KANK1: variants seen among roughly 807,000 people sequenced by gnomAD.
The protein encoded by KANK1 is KN motif and ankyrin repeat domains 1.
In KANK1, 109 loss-of-function variants were observed where a neutral mutation model predicts 106.2. The ratio of observed to expected loss-of-function variants is 1.03; its 90% CI spans 0.88 to 1.20. The LOEUF (loss-of-function observed/expected upper bound fraction) is 1.20. KANK1 is among the 50% of genes most tolerant of loss of function. The pLI is 0.00. For missense variants in KANK1, 2,399 were observed against 1,710.7 expected, an observed-to-expected ratio of 1.40 and a Z score of -7.10; for synonymous variants, 873 against 652.2, an observed-to-expected ratio of 1.34 and a Z score of -5.16.
In KANK1 at chr9:711,019, A is replaced by G. The variant is rs901740191; in HGVS notation, c.253A>G (p.Ile85Val). The G allele has an allele frequency of 5.6e-6, 9 of 1,614,100 alleles. No homozygotes were observed. The highest frequency in any genetic ancestry group is 4.0e-5 in the African/African-American group (3 of 74,930). ...CAGGACCACATCTGGTCAGCAAGGT[A>G]TATGGACTTCCACTGAATCCCTCTC... is the stretch of plus-strand genomic sequence containing the variant. ...EPRTTSGQQG[I>V]WTSTESLSSS... Residue 85 changes from isoleucine to valine, a missense_variant, in exon 3 of 12, where the codon ATA (isoleucine) becomes GTA (valine). By Grantham distance (29) the Ile-to-Val change is conservative. Coordinates refer to ENST00000382297, the MANE Select transcript of KANK1 (RefSeq NM_015158.5).
At chr9:516,735 C>G (rs2059294043) in intron 1 of KANK1, among the ~76,000 whole-genome samples, 1 of 151,550 alleles carries the variant, frequency 6.6e-6, no homozygotes, top group Non-Finnish European at 1.5e-5. Context: ...TTCAAAAATA[C>G]TTGTTGAATG....
At chr9:646,431 T>G (rs1349348672) in intron 1 of KANK1, among the ~76,000 whole-genome samples, 1 of 151,154 alleles carries the variant, frequency 6.6e-6, no homozygotes, top group East Asian at 1.9e-4. Context: ...TCTGAAAAGC[T>G]AAGCTTTCCC....
rs144003040 is a variant in KANK1 at position 732,626 on chromosome 9, C to T, written c.3245+9C>T. 203 of 1,610,646 alleles carry T rather than the reference C, an allele frequency of 1.3e-4. No individual in the cohort carries two copies. The African/African-American group carries it at 1.8e-3, about 14-fold the overall frequency. On this transcript the variant is annotated intron_variant, in intron 6 of 11. Coordinates refer to ENST00000382297, the MANE Select transcript of KANK1 (RefSeq NM_015158.5). ...GTGGAAATCAGAGAGAGGTGTGGTA[C>T]ATTCCCCTTCCCTCCCTTGCCCCTC...
At chr9:586,016 TG>T (rs1240281574) in intron 1 of KANK1, among the ~76,000 whole-genome samples, 1 of 152,180 alleles carries the variant, frequency 6.6e-6, no homozygotes, top group Non-Finnish European at 1.5e-5. Flanking sequence ...TCAAAGTTTG[TG>T]GGATTCTGTA....
chr9:516,388 C>T (rs1164727446), intron 1 of KANK1, among the ~76,000 whole-genome samples: 1 of 151,740 alleles, frequency 6.6e-6, no homozygotes, highest in Non-Finnish European at 1.5e-5. Flanking sequence ...TTTCTCAGCT[C>T]TGGCATGAAA....
intron 1 of KANK1, among the ~76,000 whole-genome samples, chr9:582,631 A>G (rs1822460070): frequency 1.3e-5 from 2 of 152,170 alleles, no homozygotes; most frequent in African/African-American, 2.4e-5. Context: ...AAAAATAAAA[A>G]CATTTGGGGT....
intron 1 of KANK1, among the ~76,000 whole-genome samples, chr9:609,909 GTTTTTATCT>G (rs1266664521): frequency 6.6e-6 from 1 of 151,942 alleles, no homozygotes; most frequent in Admixed American, 6.6e-5. Context: ...ACATAGAAAT[GTTTTTATCT>G]TTCTTATACA....
intron 1 of KANK1, among the ~76,000 whole-genome samples, chr9:649,144 A>G (rs925083845): frequency 6.6e-6 from 1 of 152,184 alleles, no homozygotes; most frequent in African/African-American, 2.4e-5. Context: ...GATATATGTA[A>G]GATACGTGTT....
intron 1 of KANK1, among the ~76,000 whole-genome samples, chr9:593,441 C>A (rs1170648933): frequency 7.9e-6 from 1 of 126,930 alleles, no homozygotes; most frequent in East Asian, 2.1e-4. Flanking sequence ...TATATTAGAT[C>A]TTTATACATT....
chr9:590,255 A>G (rs543616251), intron 1 of KANK1, among the ~76,000 whole-genome samples: 204 of 152,228 alleles, frequency 1.3e-3, no homozygotes, highest in African/African-American at 4.7e-3. Context: ...TTTGTGTTCT[A>G]ATAGCCTTTG....
intron 1 of KANK1, among the ~76,000 whole-genome samples, chr9:617,370 G>T (rs552876428): frequency 1.1e-4 from 17 of 152,290 alleles, no homozygotes; most frequent in Middle Eastern, 3.4e-3. Context: ...GAGGAGGGGG[G>T]TTGTGGCAAA....
chr9:744,006 G>C (rs1445373146), intron 10 of KANK1, among the ~76,000 whole-genome samples: 3 of 152,188 alleles, frequency 2.0e-5, no homozygotes, highest in African/African-American at 7.2e-5. Context: ...ATTTCCAGAA[G>C]TTGGATCTGT....
chr9:615,813 C>T (rs781049935), intron 1 of KANK1, among the ~76,000 whole-genome samples: 27 of 152,170 alleles, frequency 1.8e-4, no homozygotes, highest in Non-Finnish European at 3.4e-4. Context: ...CCTAACCTAG[C>T]TAAAGACCCA....
chr9:732,518 G>A lies in KANK1; in HGVS notation c.3146G>A (p.Gly1049Glu), dbSNP rs1564107583. The change falls in exon 6 of 12, where the codon GGG (glycine) becomes GAG (glutamate). Residue 1049 changes from glycine to glutamate, a missense_variant. Physicochemically the swap from Gly to Glu is moderately conservative, Grantham distance 98. Coordinates refer to ENST00000382297, the MANE Select transcript of KANK1 (RefSeq NM_015158.5). ...GAAGACACTCGGGGAATGGCAGAAG[G>A]GCACCATGCAGTTAATATTGAAGGT... ...EDEDTRGMAE[G>E]HHAVNIEGLK... is the part of the protein sequence containing the mutation. 8 of 1,614,122 alleles carry A rather than the reference G, an allele frequency of 5.0e-6. No homozygotes were observed. The highest frequency in any genetic ancestry group is 1.3e-5 in the African/African-American group (1 of 75,004).
At chr9:594,788 A>G (rs1308882738) in intron 1 of KANK1, among the ~76,000 whole-genome samples, 1 of 151,830 alleles carries the variant, frequency 6.6e-6, no homozygotes, top group Non-Finnish European at 1.5e-5. Context: ...TTAAATGAGG[A>G]GAAGGCTTTT....
At chr9:720,427 C>T (rs1828995584) in intron 3 of KANK1, among the ~76,000 whole-genome samples, 1 of 152,186 alleles carries the variant, frequency 6.6e-6, no homozygotes, top group Admixed American at 6.5e-5. Flanking sequence ...TCACCATAGC[C>T]CCTAACTGCC....
chr9:521,752 G>C (rs2059564285), intron 1 of KANK1, among the ~76,000 whole-genome samples: 1 of 151,286 alleles, frequency 6.6e-6, no homozygotes, highest in Non-Finnish European at 1.5e-5. Flanking sequence ...ATTATTGGTA[G>C]AGATGGGGTT....
chr9:698,648 C>G (rs917285671), intron 2 of KANK1, among the ~76,000 whole-genome samples: 6 of 152,206 alleles, frequency 3.9e-5, no homozygotes, highest in Admixed American at 3.3e-4. Context: ...CTGGCTAGCC[C>G]AGATGCAGAC....
chr9:545,974 C>T (rs1478232290), intron 1 of KANK1, among the ~76,000 whole-genome samples: 5 of 152,182 alleles, frequency 3.3e-5, no homozygotes, highest in Admixed American at 2.0e-4. Context: ...TCTCGAACTC[C>T]TGACCTCAAG....
Sources: allele counts gnomAD v4.1 joint callset (sites outside exome capture counted in the v4.1 genomes callset), GRCh38; gene constraint gnomAD v4.1.1; transcripts MANE v1.5; gene names NCBI Gene and HGNC (gene_info 2026-07-23, HGNC 2026-07-21).